Variants in COPS7B observed in about 807,000 individuals in gnomAD.
COPS7B encodes COP9 signalosome subunit 7B.
In COPS7B, 9 loss-of-function variants were observed where a neutral mutation model predicts 33.4. The observed-to-expected ratio is 0.27, with a 90% CI of 0.16 to 0.47. The LOEUF is 0.47. Among genes scored for constraint, COPS7B ranks in the 20% least tolerant of loss-of-function variants. The pLI is 0.99. For synonymous variants in COPS7B, 119 were observed against 126.3 expected, an observed-to-expected ratio of 0.94 and a Z score of 0.39; for missense variants, 242 against 318.2, an observed-to-expected ratio of 0.76 and a Z score of 1.82.
upstream of COPS7B, among the ~76,000 whole-genome samples, chr2:231,782,827 GT>G (rs1009921968): frequency 5.4e-5 from 8 of 149,246 alleles, no homozygotes; most frequent in African/African-American, 1.5e-4. Flanking sequence ...TGTTAAAAAA[GT>G]TTTTTTTTTG....
At chr2:231,806,516 A>G (rs775156122) in intron 6 of COPS7B, among the ~76,000 whole-genome samples, 7 of 150,098 alleles carry the variant, frequency 4.7e-5, no homozygotes, top group African/African-American at 1.7e-4. Context: ...TTGTGCCACT[A>G]TACTCCATCC....
intron 1 of COPS7B, among the ~76,000 whole-genome samples, chr2:231,787,330 C>T (rs1188687020): frequency 6.6e-6 from 1 of 152,204 alleles, no homozygotes; most frequent in Non-Finnish European, 1.5e-5. Context: ...AACTTAGTTC[C>T]TCTTGCACCA....
At chr2:231,798,258 T>TTCTTTTC (rs1181468276) in intron 5 of COPS7B, among the ~76,000 whole-genome samples, 1 of 145,748 alleles carries the variant, frequency 6.9e-6, no homozygotes, top group African/African-American at 2.5e-5. Flanking sequence ...TACCTTCTTT[T>TTCTTTTC]TTTTTTTTTT....
intron 6 of COPS7B, among the ~76,000 whole-genome samples, chr2:231,799,813 A>C (rs1182432576): frequency 6.6e-6 from 1 of 152,192 alleles, no homozygotes; most frequent in Non-Finnish European, 1.5e-5. Context: ...TCCAGCTAAG[A>C]AGCATAAGAG....
chr2:231,793,565 T>C lies in COPS7B; in HGVS notation c.239-698T>C, dbSNP rs1434615168. 2.0e-5 allele frequency: 3 copies of C among 152,352 alleles called. No individual in the cohort carries two copies. The East Asian group carries it at 5.8e-4, about 29-fold the overall frequency. The allele number at this position is 152,352 out of a possible 1,614,324, so 9.4% of individuals were successfully genotyped here. A position where few individuals can be genotyped will look rare whatever the true frequency, so the allele number is the denominator to read the frequency against. On this transcript the variant is annotated intron_variant, in intron 3 of 6. Transcript: ENST00000350033. ...TGCTGTTATTATCATTTATGGTTAT[T>C]ATTGAAATTTTGCCTCTTTCTCAAG...
intron 2 of COPS7B, chr2:231,791,267 G>C (rs2049409106): frequency 6.3e-6 from 1 of 158,590 alleles, no homozygotes; most frequent in African/African-American, 2.4e-5. Context: ...ATGATGTGCT[G>C]GTCTCTCCCA....
chr2:231,804,017 C>T (rs1478687399), intron 6 of COPS7B, among the ~76,000 whole-genome samples: 1 of 152,134 alleles, frequency 6.6e-6, no homozygotes, highest in Non-Finnish European at 1.5e-5. Flanking sequence ...AGTCCAAAGC[C>T]GGCCCAAATC....
At chr2:231,790,188 G>T (rs1223165792) in intron 2 of COPS7B, 1 of 152,200 alleles carries the variant, frequency 6.6e-6, no homozygotes, top group Non-Finnish European at 1.5e-5. Flanking sequence ...TCAGGTTCAT[G>T]AACAGCCTGC....
upstream of COPS7B, among the ~76,000 whole-genome samples, chr2:231,785,833 T>C (rs2049226405): frequency 6.6e-6 from 1 of 152,242 alleles, no homozygotes; most frequent in Non-Finnish European, 1.5e-5. Flanking sequence ...CAATGACATT[T>C]TGGTCATAGA....
chr2:231,786,562 C>A, intron 1 of COPS7B, 24 bp downstream of exon 1: 1 of 961,962 alleles, frequency 1.0e-6, no homozygotes, highest in Non-Finnish European at 1.2e-6. Context: ...AGAGGGTGGG[C>A]CGAGCGGGGC....
intron 6 of COPS7B, among the ~76,000 whole-genome samples, chr2:231,805,766 T>TTGA (rs2049877394): frequency 6.6e-6 from 1 of 151,632 alleles, no homozygotes; most frequent in Non-Finnish European, 1.5e-5. Flanking sequence ...CCTCAGCCAC[T>TTGA]TGAGTAGCTG....
chr2:231,797,278 T>C (rs2049599245), intron 5 of COPS7B, among the ~76,000 whole-genome samples: 1 of 152,180 alleles, frequency 6.6e-6, no homozygotes, highest in Admixed American at 6.5e-5. Flanking sequence ...TCACTTCAGC[T>C]ACTTTTACAC....
chr2:231,796,692 C>G (rs2049581497), intron 5 of COPS7B, among the ~76,000 whole-genome samples: 1 of 152,104 alleles, frequency 6.6e-6, no homozygotes, highest in Non-Finnish European at 1.5e-5. Flanking sequence ...AAGATTCTTT[C>G]TTTGTTTTTA....
chr2:231,806,733 C>T (rs1283213756), intron 6 of COPS7B, among the ~76,000 whole-genome samples: 2 of 152,090 alleles, frequency 1.3e-5, no homozygotes, highest in East Asian at 1.9e-4. Context: ...AAATGTAAAT[C>T]GACTTTGATC....
In COPS7B at chr2:231,808,406, GT is replaced by G. The variant is rs1285592041; in HGVS notation, c.*765del. ...CTGCTGCCTCTGACTACTCAGCCTTGTTTTCGGTGTGTAGGCCCCAGCTGCC... is the reference window on the plus strand; with the variant it reads ...CTGCTGCCTCTGACTACTCAGCCTTGTTTCGGTGTGTAGGCCCCAGCTGCC... On this transcript the variant is annotated 3_prime_UTR_variant, in exon 7 of 7. Transcript: ENST00000350033. 2 of 471,044 alleles carry G rather than the reference GT, an allele frequency of 4.2e-6. No individual in the cohort carries two copies. Among genetic ancestry groups the G allele is most frequent in the Admixed American group, 4.7e-5 (2 of 42,498 alleles). The allele number at this position is 471,044 out of a possible 1,614,324, so 29.2% of individuals were successfully genotyped here.
intron 6 of COPS7B, chr2:231,801,281 C>T (rs963936983): frequency 3.9e-6 from 6 of 1,537,386 alleles, no homozygotes; most frequent in Middle Eastern, 1.7e-4. Context: ...AATATTCTCT[C>T]CATTTAGGCT....
chr2:231,788,470 AT>A, intron 1 of COPS7B, 84 bp from the exon 2 acceptor site: 1 of 1,240,486 alleles, frequency 8.1e-7, no homozygotes, highest in Non-Finnish European at 1.1e-6. Context: ...AAAGTAAAGT[AT>A]TCTGGTGTTT....
chr2:231,806,445 C>T (rs1383477444), intron 6 of COPS7B, among the ~76,000 whole-genome samples: 1 of 150,828 alleles, frequency 6.6e-6, no homozygotes. Context: ...CCAAGCTGCT[C>T]AGGAGGCTGA....
chr2:231,801,117 T>C (rs2049732493), intron 6 of COPS7B: 1 of 1,550,128 alleles, frequency 6.5e-7, no homozygotes, highest in East Asian at 2.4e-5. Context: ...TGGTGATCTT[T>C]TCTTTATTTG....
Sources: allele counts gnomAD v4.1 joint callset (sites outside exome capture counted in the v4.1 genomes callset), GRCh38; gene constraint gnomAD v4.1.1; transcripts MANE v1.5; gene names NCBI Gene and HGNC (gene_info 2026-07-23, HGNC 2026-07-21).